METTL15: variants seen among roughly 807,000 people sequenced by gnomAD.
METTL15 encodes the protein 12S rRNA N(4)-cytidine methyltransferase METTL15.
Under a neutral mutation model 38.3 loss-of-function variants are expected in METTL15, and 34 were observed. The observed-to-expected ratio is 0.89, with a 90% CI of 0.68 to 1.18. METTL15 has a LOEUF of 1.18. Ranked by LOEUF, METTL15 falls within the 50% of genes most tolerant of loss-of-function variation. The probability of loss-of-function intolerance (pLI) is 0.00; values close to 1 mark genes in which losing one functional copy is unlikely to be tolerated. For synonymous variants in METTL15, 162 were observed against 170.9 expected, an observed-to-expected ratio of 0.95 and a Z score of 0.41; for missense variants, 438 against 498.4, an observed-to-expected ratio of 0.88 and a Z score of 1.15.
At chr11:28,184,712 G>T (rs959442480) in intron 3 of METTL15, among the ~76,000 whole-genome samples, 1 of 151,452 alleles carries the variant, frequency 6.6e-6, no homozygotes. Flanking sequence ...TAAAGTTAAT[G>T]CTATGTTAAT....
At chr11:28,299,325 C>T (rs1157187537) in intron 6 of METTL15, among the ~76,000 whole-genome samples, 1 of 151,910 alleles carries the variant, frequency 6.6e-6, no homozygotes, top group Non-Finnish European at 1.5e-5. Context: ...TGATTTTAGT[C>T]TTTTATAATT....
chr11:28,203,891 G>A (rs1374663263), intron 3 of METTL15, among the ~76,000 whole-genome samples: 1 of 152,010 alleles, frequency 6.6e-6, no homozygotes, highest in African/African-American at 2.4e-5. Flanking sequence ...TTCTAGGAGA[G>A]ATCTATTCAT....
chr11:28,360,074 A>G (rs1486965817), intron 4 of METTL15, among the ~76,000 whole-genome samples: 1 of 152,166 alleles, frequency 6.6e-6, no homozygotes, highest in African/African-American at 2.4e-5. Flanking sequence ...AGGGGCCTTA[A>G]GAGAGTGTTT....
intron 3 of METTL15, among the ~76,000 whole-genome samples, chr11:28,207,483 T>C (rs1852401625): frequency 1.3e-5 from 2 of 151,872 alleles, no homozygotes; most frequent in Middle Eastern, 3.4e-3. Context: ...TGGATAAGCT[T>C]TTTGATGTGC....
intron 4 of METTL15, among the ~76,000 whole-genome samples, chr11:28,220,675 G>T (rs1388236666): frequency 6.6e-6 from 1 of 152,138 alleles, no homozygotes; most frequent in African/African-American, 2.4e-5. Context: ...TTTACAATTT[G>T]GCATGTTTTT....
intron 3 of METTL15, among the ~76,000 whole-genome samples, chr11:28,134,997 A>T (rs1849468517): frequency 6.6e-6 from 1 of 152,128 alleles, no homozygotes; most frequent in Non-Finnish European, 1.5e-5. Flanking sequence ...TAGAATATTG[A>T]TCCAGATTTT....
chr11:28,450,768 C>T (rs1851114017), intron 6 of METTL15, among the ~76,000 whole-genome samples: 1 of 152,142 alleles, frequency 6.6e-6, no homozygotes, highest in Admixed American at 6.5e-5. Flanking sequence ...TCAATGTTTT[C>T]ATTAGATTTT....
intron 3 of METTL15, among the ~76,000 whole-genome samples, chr11:28,207,559 T>G (rs1241286469): frequency 6.6e-6 from 1 of 152,074 alleles, no homozygotes; most frequent in Non-Finnish European, 1.5e-5. Flanking sequence ...AGGATATTGG[T>G]CTAAAATTCT....
chr11:28,181,865 C>T (rs750493198), intron 3 of METTL15, among the ~76,000 whole-genome samples: 6 of 152,000 alleles, frequency 3.9e-5, no homozygotes, highest in Non-Finnish European at 8.8e-5. Context: ...CTCATTTACA[C>T]TCCCACCAGC....
chr11:28,418,341 C>T (rs1434673735), intron 5 of METTL15, among the ~76,000 whole-genome samples: 1 of 152,108 alleles, frequency 6.6e-6, no homozygotes, highest in Admixed American at 6.6e-5. Context: ...TGATCAGTGG[C>T]CCATTTTACT....
intron 3 of METTL15, among the ~76,000 whole-genome samples, chr11:28,147,057 C>G (rs1849912360): frequency 6.6e-6 from 1 of 151,622 alleles, no homozygotes; most frequent in Non-Finnish European, 1.5e-5. Context: ...TATGTTCTGG[C>G]AAAATGATAA....
chr11:28,474,658 A>G (rs1217769882), intron 6 of METTL15, among the ~76,000 whole-genome samples: 1 of 152,200 alleles, frequency 6.6e-6, no homozygotes, highest in East Asian at 1.9e-4. Context: ...ATAAGGCCCC[A>G]CACCAAAGAA....
At chr11:28,263,158 T>G (rs1161184801) in intron 4 of METTL15, among the ~76,000 whole-genome samples, 1 of 152,054 alleles carries the variant, frequency 6.6e-6, no homozygotes, top group East Asian at 1.9e-4. Context: ...TACAGTATGG[T>G]GACATTCTGT....
intron 5 of METTL15, among the ~76,000 whole-genome samples, chr11:28,292,889 C>G (rs750153003): frequency 1.3e-5 from 2 of 152,106 alleles, no homozygotes; most frequent in African/African-American, 2.4e-5. Flanking sequence ...ATCCTTTGCC[C>G]ACTTGTTGAA....
intron 5 of METTL15, among the ~76,000 whole-genome samples, chr11:28,421,540 C>T (rs181615607): frequency 1.2e-4 from 19 of 152,032 alleles, no homozygotes; most frequent in Admixed American, 1.2e-3. Flanking sequence ...CCCAGAGATG[C>T]AAAAATCATT....
At chr11:28,208,242 C>T (rs1852453863) in intron 3 of METTL15, among the ~76,000 whole-genome samples, 2 of 152,076 alleles carry the variant, frequency 1.3e-5, no homozygotes, top group Admixed American at 1.3e-4. Context: ...CTCTTGTGGG[C>T]ATTTAGTGCT....
chr11:28,447,578 G>T (rs1488328328), intron 6 of METTL15, among the ~76,000 whole-genome samples: 1 of 151,896 alleles, frequency 6.6e-6, no homozygotes, highest in Non-Finnish European at 1.5e-5. Flanking sequence ...ACCAATGGCT[G>T]AATCTCATTA....
In METTL15 at chr11:28,222,175, C is replaced by A. The variant is rs1403068764; in HGVS notation, c.407+10977C>A. Among the ~76,000 whole-genome samples, 3 of 152,220 alleles carry A rather than the reference C, an allele frequency of 2.0e-5. No individual in the cohort carries two copies. The East Asian group carries it at 5.8e-4, about 29-fold the overall frequency. On this transcript the variant is annotated intron_variant, in intron 4 of 6. Coordinates refer to ENST00000407364, the MANE Select transcript of METTL15 (RefSeq NM_001113528.2). ...GGTGGAGCCTACAGAGGCAGGCAGG[C>A]CTCCTTGAGCTGCGGTGGGCTTCAC...
At chr11:28,321,331 T>C (rs1849460098) in intron 6 of METTL15, among the ~76,000 whole-genome samples, 1 of 152,262 alleles carries the variant, frequency 6.6e-6, no homozygotes. Context: ...ATAAAAAAAG[T>C]GAATGATCTG....
Sources: gnomAD v4.1 joint callset for allele counts (sites outside exome capture counted in the v4.1 genomes callset) on GRCh38, gnomAD v4.1.1 for gene constraint, MANE v1.5 for transcripts, NCBI Gene and HGNC (gene_info 2026-07-23, HGNC 2026-07-21) for gene names.